The following CCDC12 variants were observed in gnomAD, a reference collection of about 807,000 sequenced individuals.
CCDC12 encodes coiled-coil domain-containing protein 12.
A neutral mutation model predicts 25.7 loss-of-function variants in CCDC12; 28 were observed. The ratio of observed to expected loss-of-function variants is 1.09; its 90% CI spans 0.81 to 1.50. The LOEUF (loss-of-function observed/expected upper bound fraction) is 1.50. Ranked by LOEUF, CCDC12 falls within the 40% of genes most tolerant of loss-of-function variation. The pLI, the probability that CCDC12 is intolerant of heterozygous loss-of-function variation, is 0.00. For missense variants in CCDC12, 198 were observed against 210.0 expected (o/e 0.94, Z 0.35); for synonymous variants, 75 against 87.7 (o/e 0.86, Z 0.81).
At chr3:46,923,767 G>A (rs986573980) in intron 3 of CCDC12, 99 bp from the exon 4 acceptor site, 3 of 1,047,516 alleles carry the variant, frequency 2.9e-6, no homozygotes, top group Non-Finnish European at 3.9e-6. Flanking sequence ...CGGGACCCCA[G>A]GCTTCCTTGC....
intron 2 of CCDC12, chr3:46,940,727 A>G: frequency 2.1e-6 from 1 of 477,504 alleles, no homozygotes. Flanking sequence ...GGTGTATGAG[A>G]AGGGTAAAAA....
chr3:46,934,757 C>T (rs1305372767), intron 2 of CCDC12, among the ~76,000 whole-genome samples: 1 of 152,184 alleles, frequency 6.6e-6, no homozygotes, highest in East Asian at 1.9e-4. Context: ...ACGAGGCAGT[C>T]GTGGGTCCCT....
intron 1 of CCDC12, among the ~76,000 whole-genome samples, chr3:46,960,915 T>C (rs781558094): frequency 6.6e-6 from 1 of 151,512 alleles, no homozygotes; most frequent in Non-Finnish European, 1.5e-5. Context: ...GTATGAGATA[T>C]GTATTGGTGT....
intron 5 of CCDC12, chr3:46,923,040 G>A (rs997825001): frequency 7.2e-5 from 24 of 332,552 alleles, no homozygotes; most frequent in African/African-American, 5.1e-4. Context: ...ACAGCGGTTG[G>A]CCTTGCTCAA....
intron 1 of CCDC12, among the ~76,000 whole-genome samples, chr3:46,967,209 T>C (rs2034668304): frequency 6.6e-6 from 1 of 152,106 alleles, no homozygotes; most frequent in Non-Finnish European, 1.5e-5. Context: ...TACTTTGCCA[T>C]CTCAGGAACC....
intron 1 of CCDC12, among the ~76,000 whole-genome samples, chr3:46,941,333 T>G (rs1483955451): frequency 6.6e-6 from 1 of 152,082 alleles, no homozygotes; most frequent in African/African-American, 2.4e-5. Context: ...GAGGCCGAGG[T>G]GGGCGGATCT....
At chr3:46,957,806 G>A (rs113113243) in intron 1 of CCDC12, among the ~76,000 whole-genome samples, 10,355 of 151,920 alleles carry the variant, frequency 0.068, 1,187 homozygotes, top group African/African-American at 0.23. Flanking sequence ...AGCCGAGCAT[G>A]GTGGCAGGCG....
In CCDC12 at chr3:46,976,633, T is replaced by C; in HGVS notation, c.96+4A>G. The C allele has an allele frequency of 1.2e-6, 2 of 1,609,640 alleles. No homozygotes were observed. The highest frequency in any genetic ancestry group is 1.7e-6 in the Non-Finnish European group (2 of 1,178,026). On this transcript the variant is annotated splice_donor_region_variant and intron_variant, in intron 1 of 6. Coordinates refer to ENST00000683445, the MANE Select transcript of CCDC12 (RefSeq NM_001277074.2). Reference sequence around the variant, plus strand: ...AACTGCGACCCTCACTCCACACTTCTCACCTTGCGCCCGGTTTTCTCCCGT... The same window carrying C: ...AACTGCGACCCTCACTCCACACTTCCCACCTTGCGCCCGGTTTTCTCCCGT...
At chr3:46,961,345 A>C (rs1487278150) in intron 1 of CCDC12, among the ~76,000 whole-genome samples, 1 of 152,224 alleles carries the variant, frequency 6.6e-6, no homozygotes, top group Non-Finnish European at 1.5e-5. Flanking sequence ...GGAAGAGCCA[A>C]AAACCATTTA....
chr3:46,976,402 C>G (rs1003894007), intron 1 of CCDC12: 377 of 1,411,062 alleles, frequency 2.7e-4, no homozygotes, highest in Non-Finnish European at 3.3e-4. Flanking sequence ...GGTCGCTGAC[C>G]ACTGCCTTGC....
At chr3:46,976,938 C>G, upstream of CCDC12, 4 of 667,158 alleles carry the variant, frequency 6.0e-6, no homozygotes, top group Non-Finnish European at 8.7e-6. Context: ...GACAACTTGC[C>G]TAGTGGGTGG....
intron 1 of CCDC12, among the ~76,000 whole-genome samples, chr3:46,966,307 G>GT (rs1297232175): frequency 6.6e-6 from 1 of 152,192 alleles, no homozygotes; most frequent in Non-Finnish European, 1.5e-5. Context: ...GAGACCAGGA[G>GT]TTTGAGACCA....
rs1400844620 is a variant in CCDC12 at position 46,964,395 on chromosome 3, GC to G, written c.96+12241del. 4.0e-5 allele frequency among the ~76,000 whole-genome samples: 6 copies of G among 151,898 alleles called. No homozygotes were observed. In the South Asian group the frequency reaches 1.3e-3, roughly 32 times the overall value. On this transcript the variant is annotated intron_variant, in intron 1 of 6. Transcript: ENST00000683445. Reference sequence around the variant, plus strand: ...AGGTGGGGGGCGCTTCTGCCCGGCCGCCCCTTCTGGGAAGTGAGGAGCCCCT... The same window carrying G: ...AGGTGGGGGGCGCTTCTGCCCGGCCGCCCTTCTGGGAAGTGAGGAGCCCCT...
chr3:46,969,408 A>C (rs963169394), intron 1 of CCDC12, among the ~76,000 whole-genome samples: 3 of 152,120 alleles, frequency 2.0e-5, no homozygotes, highest in African/African-American at 7.2e-5. Context: ...TTGTTTACTT[A>C]TATTTGTAGA....
At chr3:46,958,638 T>C (rs2034372331) in intron 1 of CCDC12, among the ~76,000 whole-genome samples, 1 of 152,162 alleles carries the variant, frequency 6.6e-6, no homozygotes, top group Non-Finnish European at 1.5e-5. Context: ...CATTCCATTG[T>C]TCATCCAATC....
chr3:46,964,178 G>A (rs377763148), intron 1 of CCDC12, among the ~76,000 whole-genome samples: 55,166 of 148,596 alleles, frequency 0.37, 10,902 homozygotes, highest in Middle Eastern at 0.54. Context: ...CCCTCCGCCT[G>A]GCAGCCGCCC....
chr3:46,976,885 C>T (rs2035014532), upstream of CCDC12: 2 of 1,290,524 alleles, frequency 1.5e-6, no homozygotes, highest in Non-Finnish European at 2.1e-6. Context: ...GCGAGCCCTC[C>T]CCGCCTTGCC....
chr3:46,925,322 G>A, intron 3 of CCDC12, 134 bp downstream of exon 3: 1 of 769,224 alleles, frequency 1.3e-6, no homozygotes, highest in Non-Finnish European at 2.3e-6. Context: ...CCATGAGATG[G>A]TAACAAAGGG....
In CCDC12 at chr3:46,923,313, C is replaced by T; in HGVS notation, c.341+16G>A. 6.8e-7 allele frequency: 1 copy of T among 1,477,376 alleles called. No individual in the cohort carries two copies. Among genetic ancestry groups the T allele is most frequent in the Middle Eastern group, 2.5e-4 (1 of 3,990 alleles). The allele number at this position is 1,477,376 out of a possible 1,614,324, so 91.5% of individuals were successfully genotyped here. ...CCCGAGTCAGCCTGCACCCGCCACG[C>T]ACGGGCAACACTCACCAGTCAGGCT... is the stretch of plus-strand genomic sequence containing the variant. On this transcript the variant is annotated intron_variant, in intron 5 of 6. Transcript: ENST00000683445.
Sources: gnomAD v4.1 joint callset for allele counts (sites outside exome capture counted in the v4.1 genomes callset) on GRCh38, gnomAD v4.1.1 for gene constraint, MANE v1.5 for transcripts, NCBI Gene and HGNC (gene_info 2026-07-23, HGNC 2026-07-21) for gene names.